Variants in EXOSC6 observed in about 807,000 individuals in gnomAD.
EXOSC6 encodes the protein exosome complex component MTR3.
In EXOSC6, 21 loss-of-function variants were observed where a neutral mutation model predicts 16.7. The observed-to-expected ratio is 1.26, with a 90% CI of 0.89 to 1.82. EXOSC6 has a LOEUF of 1.82. Among genes scored for constraint, EXOSC6 ranks in the 40% most tolerant of loss-of-function variants. The probability of loss-of-function intolerance (pLI) is 0.00; values close to 1 mark genes in which losing one functional copy is unlikely to be tolerated. For missense variants in EXOSC6, 538 were observed against 415.7 expected (o/e 1.29, Z -2.56); for synonymous variants, 297 against 217.1 (o/e 1.37, Z -3.24).
In EXOSC6 at chr16:70,247,391, CTTT is replaced by C. The variant is rs1322841150; in HGVS notation, c.*3688_*3690del. ...TGTTTACAATATCCCTAAATGCTCT[CTTT>C]AAGATTCCACCTGTGATTAAATTTC... On this transcript the variant is annotated 3_prime_UTR_variant, in exon 1 of 1. Transcript: ENST00000435634. 3 of 152,052 alleles carry C rather than the reference CTTT, an allele frequency of 2.0e-5. No individual in the cohort carries two copies. Among genetic ancestry groups the C allele is most frequent in the Non-Finnish European group, 4.4e-5 (3 of 68,024 alleles). The allele number at this position is 152,052 out of a possible 1,614,324, so 9.4% of individuals were successfully genotyped here. A position where few individuals can be genotyped will look rare whatever the true frequency, so the allele number is the denominator to read the frequency against.
In EXOSC6 at chr16:70,251,352, G is replaced by A. The variant is rs1454498344; in HGVS notation, c.549C>T (p.Cys183=). The change falls in exon 1 of 1, where the codon TGC becomes TGT. Residue 183 remains cysteine (C), a synonymous_variant. Coordinates refer to ENST00000435634, the MANE Select transcript of EXOSC6 (RefSeq NM_058219.3). ...CGGGCCCCGGCGCGAGGCTGAGGCC[G>A]CAGCCCACCACCAGGTCGTACATCT... is the stretch of plus-strand genomic sequence containing the variant. ...GVEMYDLVVG[C]GLSLAPGPAP... 3 of 1,380,890 alleles carry A rather than the reference G, an allele frequency of 2.2e-6. No homozygotes were observed. Among genetic ancestry groups the A allele is most frequent in the Non-Finnish European group, 2.8e-6 (3 of 1,073,216 alleles). 85.5% of individuals were successfully genotyped at this position (1,380,890 alleles called of 1,614,324 possible). A position where few individuals can be genotyped will look rare whatever the true frequency, so the allele number is the denominator to read the frequency against.
In EXOSC6 at chr16:70,248,824, C is replaced by CAG; in HGVS notation, c.*2256_*2257dup. 1 of 139,812 alleles carries CAG rather than the reference C, an allele frequency of 7.2e-6. No individual in the cohort carries two copies. Among genetic ancestry groups the CAG allele is most frequent in the South Asian group, 2.3e-4 (1 of 4,364 alleles). 8.7% of individuals were successfully genotyped at this position (139,812 alleles called of 1,614,324 possible). Reference sequence around the variant, plus strand: ...AGAAACAGGGTTTCACCTTGTTGCCCAGGCTGGTCTCAAACTCCTGGACTC... The same window carrying CAG: ...AGAAACAGGGTTTCACCTTGTTGCCCAGAGGCTGGTCTCAAACTCCTGGACTC... On this transcript the variant is annotated 3_prime_UTR_variant, in exon 1 of 1. Transcript: ENST00000435634.
rs1959739725 is a variant in EXOSC6, at chr16:70,248,648, T to G, written c.*2434A>C. 1 of 152,042 alleles carries G rather than the reference T, an allele frequency of 6.6e-6. No individual in the cohort carries two copies. Among genetic ancestry groups the G allele is most frequent in the Non-Finnish European group, 1.5e-5 (1 of 68,008 alleles). The allele number at this position is 152,042 out of a possible 1,614,324, so 9.4% of individuals were successfully genotyped here. A position where few individuals can be genotyped will look rare whatever the true frequency, so the allele number is the denominator to read the frequency against. Reference sequence around the variant, plus strand: ...TGAGATAGGGTTGCCTATAATGGAGTGCAGTAGCTTGACCATAGCTCACTG... The same window carrying G: ...TGAGATAGGGTTGCCTATAATGGAGGGCAGTAGCTTGACCATAGCTCACTG... On this transcript the variant is annotated 3_prime_UTR_variant, in exon 1 of 1. Transcript: ENST00000435634.
In EXOSC6 at chr16:70,247,596, T is replaced by C. The variant is rs1438254047; in HGVS notation, c.*3486A>G. 2 of 152,136 alleles carry C rather than the reference T, an allele frequency of 1.3e-5. No individual in the cohort carries two copies. The highest frequency in any genetic ancestry group is 4.8e-5 in the African/African-American group (2 of 41,436). The allele number at this position is 152,136 out of a possible 1,614,324, so 9.4% of individuals were successfully genotyped here. On this transcript the variant is annotated 3_prime_UTR_variant, in exon 1 of 1. Transcript: ENST00000435634. Reference sequence around the variant, plus strand: ...CACATGAATAACATGCAGGCTCAGGTTACCATTATACATAAATTTTTAAAA... The same window carrying C: ...CACATGAATAACATGCAGGCTCAGGCTACCATTATACATAAATTTTTAAAA...
At position 70,251,701 on chromosome 16, in the gene EXOSC6, G is replaced by T; in HGVS notation, c.200C>A (p.Ser67Ter). The T allele has an allele frequency of 7.7e-7, 1 of 1,303,134 alleles. No homozygotes were observed. Among genetic ancestry groups the T allele is most frequent in the Non-Finnish European group, 9.7e-7 (1 of 1,030,228 alleles). 80.7% of individuals were successfully genotyped at this position (1,303,134 alleles called of 1,614,324 possible). ...GCCGCCCTCGGCCTGTCGCGGGCCC[G>T]ACACGGCACACAGCACCTTGGTGCC... ...AGGTKVLCAV[S>*]GPRQAEGGER... The change falls in exon 1 of 1, where the codon TCG becomes TAG. Residue 67 changes from serine to a stop codon, truncating the protein, a stop_gained. Coordinates refer to ENST00000435634, the MANE Select transcript of EXOSC6 (RefSeq NM_058219.3). LOFTEE classifies it high-confidence loss of function.
Position 70,251,528 on chromosome 16 carries a change from C to T in EXOSC6, c.373G>A (p.Ala125Thr). The stretch of plus-strand genomic sequence containing the variant: ...GCCGGCTCCAGCGCCTCCTGCAGCG[C>T]CAGCGCCAGCTCACGCTCCTCGCAG... ...GGCEERELALALQEALEPAVR... is the reference protein window; with the variant it reads ...GGCEERELALTLQEALEPAVR... The change falls in exon 1 of 1, where the codon GCG (alanine) becomes ACG (threonine). Residue 125 changes from alanine (A) to threonine (T), a missense_variant. Physicochemically the swap from Ala to Thr is moderately conservative, Grantham distance 58 (BLOSUM62 0). Coordinates refer to ENST00000435634, the MANE Select transcript of EXOSC6 (RefSeq NM_058219.3). The T allele has an allele frequency of 8.0e-7, 1 of 1,243,562 alleles. No homozygotes were observed. Among genetic ancestry groups the T allele is most frequent in the East Asian group, 3.6e-5 (1 of 27,848 alleles). The allele number at this position is 1,243,562 out of a possible 1,614,324, so 77.0% of individuals were successfully genotyped here.
At position 70,251,410 on chromosome 16, in the gene EXOSC6, G is replaced by A. The variant is rs1192034442; in HGVS notation, c.491C>T (p.Ala164Val). 7.5e-7 allele frequency: 1 copy of A among 1,338,308 alleles called. No homozygotes were observed. Among genetic ancestry groups the A allele is most frequent in the South Asian group, 1.9e-5 (1 of 51,490 alleles). 82.9% of individuals were successfully genotyped at this position (1,338,308 alleles called of 1,614,324 possible). A position where few individuals can be genotyped will look rare whatever the true frequency, so the allele number is the denominator to read the frequency against. The change falls in exon 1 of 1, where the codon GCC (alanine) becomes GTC (valine). Residue 164 changes from alanine (A) to valine (V), a missense_variant. Physicochemically the swap from Ala to Val is moderately conservative, Grantham distance 64. Transcript: ENST00000435634. ...GGSALAAALT[A>V]AALALADAGV... ...CGCGTCGGCCAGGGCGAGCGCGGCG[G>A]CGGTGAGCGCGGCGGCCAGGGCCGA...
At position 70,251,193 on chromosome 16, in the gene EXOSC6, GCT is replaced by G. The variant is rs746393319; in HGVS notation, c.706_707del (p.Ser236LeufsTer77). Reference protein sequence around the residue: ...LGSGEGGLTESWAEAVRLGLE... With the variant: ...LGSGEGGLTEXWAEAVRLGLE... ...GGCCCAGGCGTACGGCCTCCGCCCA[GCT>G]CTCTGTCAGGCCGCCCTCGCCGCTG... On this transcript the variant is annotated frameshift_variant, in exon 1 of 1. Transcript: ENST00000435634. LOFTEE classifies it high-confidence loss of function. 21 of 1,517,076 alleles carry G rather than the reference GCT, an allele frequency of 1.4e-5. No individual in the cohort carries two copies. Among genetic ancestry groups the G allele is most frequent in the Non-Finnish European group, 1.7e-5 (19 of 1,140,558 alleles). 94.0% of individuals were successfully genotyped at this position (1,517,076 alleles called of 1,614,324 possible). A position where few individuals can be genotyped will look rare whatever the true frequency, so the allele number is the denominator to read the frequency against.
Position 70,247,866 on chromosome 16 carries a change from C to G in EXOSC6, c.*3216G>C, listed in dbSNP as rs1004036997. 2.6e-5 allele frequency: 4 copies of G among 152,148 alleles called. No homozygotes were observed. The highest frequency in any genetic ancestry group is 9.7e-5 in the African/African-American group (4 of 41,400). The allele number at this position is 152,148 out of a possible 1,614,324, so 9.4% of individuals were successfully genotyped here. On this transcript the variant is annotated 3_prime_UTR_variant, in exon 1 of 1. Transcript: ENST00000435634. ...GGTCAGGAGTTCAAGACCAGTCTGG[C>G]CAGCTCGATGAAACTCCGTCTCTAC... is the stretch of plus-strand genomic sequence containing the variant.
chr16:70,251,785 AC>A lies in EXOSC6; in HGVS notation c.115del (p.Val39CysfsTer8). 1 of 1,472,410 alleles carries A rather than the reference AC, an allele frequency of 6.8e-7. No individual in the cohort carries two copies. Among genetic ancestry groups the A allele is most frequent in the Non-Finnish European group, 8.9e-7 (1 of 1,122,870 alleles). 91.2% of individuals were successfully genotyped at this position (1,472,410 alleles called of 1,614,324 possible). On this transcript the variant is annotated frameshift_variant, in exon 1 of 1. Transcript: ENST00000435634. LOFTEE classifies it high-confidence loss of function. The part of the protein sequence containing the change: ...GTRDPTRLRP[V>X]YARAGLLSQA... ...GCTCAGCAGCCCGGCGCGCGCGTACACGGGCCGTAGCCGCGTTGGGTCGCGG... is the reference window on the plus strand; with the variant it reads ...GCTCAGCAGCCCGGCGCGCGCGTACAGGGCCGTAGCCGCGTTGGGTCGCGG...
In EXOSC6 at chr16:70,247,664, ATATT is replaced by A. The variant is rs1959720823; in HGVS notation, c.*3414_*3417del. 6.6e-6 allele frequency: 1 copy of A among 152,332 alleles called. No homozygotes were observed. The highest frequency in any genetic ancestry group is 2.4e-5 in the African/African-American group (1 of 41,574). The allele number at this position is 152,332 out of a possible 1,614,324, so 9.4% of individuals were successfully genotyped here. On this transcript the variant is annotated 3_prime_UTR_variant, in exon 1 of 1. Transcript: ENST00000435634. ...TAATAATTGTCATTCCATTGAAAGA[ATATT>A]TATTTTGCAGCTGTTAAAAGACATT...
At position 70,251,114 on chromosome 16, in the gene EXOSC6, C is replaced by A; in HGVS notation, c.787G>T (p.Ala263Ser). 6.7e-7 allele frequency: 1 copy of A among 1,501,478 alleles called. No homozygotes were observed. Among genetic ancestry groups the A allele is most frequent in the East Asian group, 2.7e-5 (1 of 37,504 alleles). The allele number at this position is 1,501,478 out of a possible 1,614,324, so 93.0% of individuals were successfully genotyped here. Residue 263 changes from alanine (A) to serine (S), a missense_variant, in exon 1 of 1, where the codon GCC becomes TCC. Ala to Ser is a moderately conservative substitution (Grantham distance 99, BLOSUM62 1). Coordinates refer to ENST00000435634, the MANE Select transcript of EXOSC6 (RefSeq NM_058219.3). ...TGGGCGGCGGCGCCCCTGCGGCGGG[C>A]GGCCCGCACCAGGCTCTGCTGCAGC... Reference protein sequence around the residue: ...PVLQQSLVRAARRRGAAAQP With the variant: ...PVLQQSLVRASRRRGAAAQP
Position 70,251,677 on chromosome 16 carries a change from C to A in EXOSC6, c.224G>T (p.Gly75Val), listed in dbSNP as rs1959826623. The change falls in exon 1 of 1, where the codon GGC (glycine) becomes GTC (valine). Residue 75 changes from glycine (G) to valine (V), a missense_variant. Transcript: ENST00000435634. The stretch of plus-strand genomic sequence containing the variant: ...TCCGGCCGGGCCGCCGCCGCGCTCG[C>A]CGCCCTCGGCCTGTCGCGGGCCCGA... ...AVSGPRQAEGGERGGGPAGAG... is the reference protein window; with the variant it reads ...AVSGPRQAEGVERGGGPAGAG... 1.6e-6 allele frequency: 2 copies of A among 1,239,600 alleles called. No homozygotes were observed. Among genetic ancestry groups the A allele is most frequent in the East Asian group, 6.5e-5 (2 of 31,006 alleles). The allele number at this position is 1,239,600 out of a possible 1,614,324, so 76.8% of individuals were successfully genotyped here.
In EXOSC6 at chr16:70,246,859, C is replaced by T. The variant is rs576700077; in HGVS notation, c.*4223G>A. On this transcript the variant is annotated 3_prime_UTR_variant, in exon 1 of 1. Coordinates refer to ENST00000435634, the MANE Select transcript of EXOSC6 (RefSeq NM_058219.3). The stretch of plus-strand genomic sequence containing the variant: ...AGAAATAAAAATGCAGCATTTAACC[C>T]TGGAACCTCAAATATCACTGATTAT... 102 of 577,106 alleles carry T rather than the reference C, an allele frequency of 1.8e-4. No homozygotes were observed. The highest frequency in any genetic ancestry group is 1.7e-3 in the African/African-American group (91 of 52,428). The allele number at this position is 577,106 out of a possible 1,614,324, so 35.7% of individuals were successfully genotyped here.
rs1326706260 is a variant in EXOSC6 at position 70,251,208 on chromosome 16, G to A, written c.693C>T (p.Gly231=). 8.6e-6 allele frequency: 13 copies of A among 1,509,412 alleles called. No individual in the cohort carries two copies. Among genetic ancestry groups the A allele is most frequent in the East Asian group, 5.4e-5 (2 of 37,158 alleles). The allele number at this position is 1,509,412 out of a possible 1,614,324, so 93.5% of individuals were successfully genotyped here. A position where few individuals can be genotyped will look rare whatever the true frequency, so the allele number is the denominator to read the frequency against. ...CCTCCGCCCAGCTCTCTGTCAGGCC[G>A]CCCTCGCCGCTGCCCAGCAGCCCGG... ...QVAGLLGSGE[G]GLTESWAEAV... is the part of the protein sequence containing the mutation. Residue 231 remains glycine, a synonymous_variant, in exon 1 of 1, where the codon GGC becomes GGT. Coordinates refer to ENST00000435634, the MANE Select transcript of EXOSC6 (RefSeq NM_058219.3).
Position 70,251,322 on chromosome 16 carries a change from G to A in EXOSC6, c.579C>T (p.Pro193=). 12 of 1,386,388 alleles carry A rather than the reference G, an allele frequency of 8.7e-6. No homozygotes were observed. Among genetic ancestry groups the A allele is most frequent in the Non-Finnish European group, 1.1e-5 (12 of 1,076,532 alleles). 85.9% of individuals were successfully genotyped at this position (1,386,388 alleles called of 1,614,324 possible). A position where few individuals can be genotyped will look rare whatever the true frequency, so the allele number is the denominator to read the frequency against. ...GCCGCGTGGGGTCCAGGAGCCAGGT[G>A]GGCGCGGGCCCCGGCGCGAGGCTGA... ...CGLSLAPGPA[P]TWLLDPTRLE... Residue 193 remains proline, a synonymous_variant, in exon 1 of 1, where the codon CCC becomes CCT. Transcript: ENST00000435634.
At position 70,249,032 on chromosome 16, in the gene EXOSC6, A is replaced by AAAAAAAAAC. The variant is rs1959750392; in HGVS notation, c.*2049_*2050insGTTTTTTTT. 6.8e-6 allele frequency: 1 copy of AAAAAAAAAC among 146,876 alleles called. No individual in the cohort carries two copies. Among genetic ancestry groups the AAAAAAAAAC allele is most frequent in the African/African-American group, 2.5e-5 (1 of 39,262 alleles). 9.1% of individuals were successfully genotyped at this position (146,876 alleles called of 1,614,324 possible). A position where few individuals can be genotyped will look rare whatever the true frequency, so the allele number is the denominator to read the frequency against. On this transcript the variant is annotated 3_prime_UTR_variant, in exon 1 of 1. Coordinates refer to ENST00000435634, the MANE Select transcript of EXOSC6 (RefSeq NM_058219.3). ...AAAACTGTAAAAAAAAAAAAAAAAA[A>AAAAAAAAAC]CCCTAATATCAGATATTCCAGACAC...
rs2152147441 is a variant in EXOSC6 at position 70,248,496 on chromosome 16, T to C, written c.*2586A>G. 6.6e-6 allele frequency: 1 copy of C among 152,314 alleles called. No homozygotes were observed. The highest frequency in any genetic ancestry group is 1.9e-4 in the East Asian group (1 of 5,194). The allele number at this position is 152,314 out of a possible 1,614,324, so 9.4% of individuals were successfully genotyped here. A position where few individuals can be genotyped will look rare whatever the true frequency, so the allele number is the denominator to read the frequency against. Reference sequence around the variant, plus strand: ...AGAGCTGGGAAAATGTTCATAATTATGCATGCAGAATAAGCCCAAGCTGGT... The same window carrying C: ...AGAGCTGGGAAAATGTTCATAATTACGCATGCAGAATAAGCCCAAGCTGGT... On this transcript the variant is annotated 3_prime_UTR_variant, in exon 1 of 1. Coordinates refer to ENST00000435634, the MANE Select transcript of EXOSC6 (RefSeq NM_058219.3).
At position 70,251,603 on chromosome 16, in the gene EXOSC6, A is replaced by G; in HGVS notation, c.298T>C (p.Phe100Leu). 9.3e-7 allele frequency: 1 copy of G among 1,074,340 alleles called. No homozygotes were observed. Among genetic ancestry groups the G allele is most frequent in the Non-Finnish European group, 1.1e-6 (1 of 890,400 alleles). The allele number at this position is 1,074,340 out of a possible 1,614,324, so 66.6% of individuals were successfully genotyped here. Residue 100 changes from phenylalanine to leucine, a missense_variant, in exon 1 of 1, where the codon TTC (phenylalanine) becomes CTC (leucine). Coordinates refer to ENST00000435634, the MANE Select transcript of EXOSC6 (RefSeq NM_058219.3). The stretch of plus-strand genomic sequence containing the variant: ...CGGCCCGCGAAGGGTGCGCGGCGGA[A>G]GTCGCAGAGCAGGCGACCGCGCAGC... ...AALRGRLLCD[F>L]RRAPFAGRRR...
Sources: allele counts gnomAD v4.1 joint callset, GRCh38; gene constraint gnomAD v4.1.1; transcripts MANE v1.5; gene names NCBI Gene and HGNC (gene_info 2026-07-23, HGNC 2026-07-21).